Variants in SH3YL1 observed in about 807,000 individuals in gnomAD.
SH3YL1 encodes the protein SH3 domain-containing YSC84-like protein 1.
A neutral mutation model predicts 45.8 loss-of-function variants in SH3YL1; 41 were observed. The ratio of observed to expected loss-of-function variants is 0.89; its 90% CI spans 0.70 to 1.16. The LOEUF is 1.16. SH3YL1 is among the 50% of genes most tolerant of loss of function. The probability of loss-of-function intolerance (pLI) is 0.00; values close to 1 mark genes in which losing one functional copy is unlikely to be tolerated. For synonymous variants in SH3YL1, 152 were observed against 151.4 expected, an observed-to-expected ratio of 1.00 and a Z score of -0.03; for missense variants, 389 against 409.6, an observed-to-expected ratio of 0.95 and a Z score of 0.43.
rs139749784 is a variant in SH3YL1, at chr2:218,807, C to A, written c.*4G>T. On this transcript the variant is annotated 3_prime_UTR_variant, in exon 10 of 10. Coordinates refer to ENST00000356150, the MANE Select transcript of SH3YL1 (RefSeq NM_015677.4). Reference sequence around the variant, plus strand: ...AATTCTCAAAGAAGAAAATAGTATACGCTTTAATTCATGGTTACGTAGTTG... The same window carrying A: ...AATTCTCAAAGAAGAAAATAGTATAAGCTTTAATTCATGGTTACGTAGTTG... 9 of 1,601,944 alleles carry A rather than the reference C, an allele frequency of 5.6e-6. No individual in the cohort carries two copies. The highest frequency in any genetic ancestry group is 7.7e-6 in the Non-Finnish European group (9 of 1,172,744).
intron 1 of SH3YL1, among the ~76,000 whole-genome samples, chr2:253,469 G>C (rs187417906): frequency 3.9e-5 from 6 of 152,138 alleles, no homozygotes; most frequent in Non-Finnish European, 8.8e-5. Flanking sequence ...ATTCTAATGC[G>C]TTAGCTGCCA....
intron 1 of SH3YL1, among the ~76,000 whole-genome samples, chr2:255,142 G>A (rs1669258896): frequency 6.6e-6 from 1 of 152,140 alleles, no homozygotes; most frequent in South Asian, 2.1e-4. Context: ...TTTTAAAATT[G>A]ATTAAAACCT....
chr2:229,769 A>G (rs1297280874), intron 8 of SH3YL1, 197 bp downstream of exon 8: 1 of 456,146 alleles, frequency 2.2e-6, no homozygotes, highest in East Asian at 3.6e-5. Context: ...TTATGAATAG[A>G]AAGAGAAGTT....
chr2:231,070 G>A lies in SH3YL1; in HGVS notation c.655C>T (p.Gln219Ter), dbSNP rs1189945614. The change falls in exon 7 of 10, where the codon CAA becomes TAA. Residue 219 changes from glutamine (Q) to a stop codon, truncating the protein, a stop_gained. Transcript: ENST00000356150. LOFTEE classifies it high-confidence loss of function. The part of the protein sequence containing the change: ...SFTEKYENEG[Q>*]RINARKAARE... ...GCTGCTTTTCTTGCATTGATTCGTTGTCCTTCATTTTCATACTTTTCAGTA... is the reference window on the plus strand; with the variant it reads ...GCTGCTTTTCTTGCATTGATTCGTTATCCTTCATTTTCATACTTTTCAGTA... 6.2e-7 allele frequency: 1 copy of A among 1,613,926 alleles called. No homozygotes were observed. Among genetic ancestry groups the A allele is most frequent in the Non-Finnish European group, 8.5e-7 (1 of 1,179,994 alleles).
At chr2:236,705 G>C (rs1317448260) in intron 4 of SH3YL1, among the ~76,000 whole-genome samples, 1 of 152,130 alleles carries the variant, frequency 6.6e-6, no homozygotes, top group Non-Finnish European at 1.5e-5. Context: ...CTTAAAATAT[G>C]CCTTCATTAT....
intron 8 of SH3YL1, among the ~76,000 whole-genome samples, chr2:226,340 G>A (rs903646479): frequency 6.6e-6 from 1 of 152,092 alleles, no homozygotes; most frequent in Non-Finnish European, 1.5e-5. Context: ...TCCATAAATT[G>A]AGAAAGCAAC....
At chr2:237,372 C>T (rs1194298427) in intron 4 of SH3YL1, among the ~76,000 whole-genome samples, 2 of 151,918 alleles carry the variant, frequency 1.3e-5, no homozygotes, top group African/African-American at 4.8e-5. Context: ...AGCCCGAGAA[C>T]CAGGTCAAAA....
At chr2:257,531 C>T (rs773626446) in intron 1 of SH3YL1, among the ~76,000 whole-genome samples, 1 of 152,216 alleles carries the variant, frequency 6.6e-6, no homozygotes, top group Non-Finnish European at 1.5e-5. Context: ...CCAATCCCAG[C>T]AGCCATACTT....
intron 3 of SH3YL1, among the ~76,000 whole-genome samples, chr2:248,176 T>A (rs1174658484): frequency 1.3e-5 from 2 of 152,222 alleles, no homozygotes; most frequent in Admixed American, 1.3e-4. Context: ...AGTACAGTAA[T>A]TCCATTTGCC....
chr2:261,754 C>A (rs1054997435), intron 1 of SH3YL1, among the ~76,000 whole-genome samples: 2 of 152,146 alleles, frequency 1.3e-5, no homozygotes, highest in African/African-American at 4.8e-5. Flanking sequence ...CACGGAGGGT[C>A]AGGAATGAAA....
intron 1 of SH3YL1, 83 bp from the exon 2 acceptor site, chr2:253,198 T>C (rs1205189532): frequency 3.6e-6 from 3 of 829,424 alleles, no homozygotes; most frequent in Non-Finnish European, 5.6e-6. Flanking sequence ...TCTTCTCATA[T>C]ACAATTGTCA....
At chr2:251,851 A>G (rs1669086397) in intron 2 of SH3YL1, among the ~76,000 whole-genome samples, 1 of 152,264 alleles carries the variant, frequency 6.6e-6, no homozygotes, top group South Asian at 2.1e-4. Flanking sequence ...TTTTTAAAGC[A>G]TTAAAGTTCT....
At chr2:252,104 T>A (rs893162770) in intron 2 of SH3YL1, among the ~76,000 whole-genome samples, 1 of 152,202 alleles carries the variant, frequency 6.6e-6, no homozygotes, top group East Asian at 1.9e-4. Context: ...TACTTAAGAA[T>A]TACATGAGAA....
At chr2:255,540 T>G (rs1474745590) in intron 1 of SH3YL1, among the ~76,000 whole-genome samples, 1 of 152,130 alleles carries the variant, frequency 6.6e-6, no homozygotes, top group African/African-American at 2.4e-5. Context: ...AAGGCTGCAG[T>G]GAGCTATGAC....
chr2:234,510 T>C (rs1668198668), intron 4 of SH3YL1, among the ~76,000 whole-genome samples: 1 of 152,234 alleles, frequency 6.6e-6, no homozygotes, highest in Non-Finnish European at 1.5e-5. Flanking sequence ...GTGTATACTA[T>C]GAGGTTTACC....
At chr2:231,633 T>G (rs1031192695) in intron 6 of SH3YL1, among the ~76,000 whole-genome samples, 4 of 152,224 alleles carry the variant, frequency 2.6e-5, no homozygotes, top group Non-Finnish European at 5.9e-5. Flanking sequence ...TTATCAAGAT[T>G]AAATAAACAT....
intron 1 of SH3YL1, among the ~76,000 whole-genome samples, chr2:254,060 A>C (rs1669200093): frequency 6.6e-6 from 1 of 152,078 alleles, no homozygotes; most frequent in Non-Finnish European, 1.5e-5. Context: ...TTCAATACTA[A>C]TTTAAAATAA....
chr2:222,947 CTT>C (rs1667637714), intron 9 of SH3YL1: 1 of 152,214 alleles, frequency 6.6e-6, no homozygotes, highest in Non-Finnish European at 1.5e-5. Context: ...AGGTTAATGC[CTT>C]CACAGCTGCG....
chr2:244,406 GA>G (rs1668691316), intron 4 of SH3YL1, among the ~76,000 whole-genome samples: 1 of 152,002 alleles, frequency 6.6e-6, no homozygotes, highest in South Asian at 2.1e-4. Context: ...TGAGGCAGGA[GA>G]ATCACTTGAA....
Sources: allele counts gnomAD v4.1 joint callset (sites outside exome capture counted in the v4.1 genomes callset), GRCh38; gene constraint gnomAD v4.1.1; transcripts MANE v1.5; gene names NCBI Gene and HGNC (gene_info 2026-07-23, HGNC 2026-07-21).